The following CPE variants were observed in gnomAD, a reference collection of about 807,000 sequenced individuals.
CPE encodes carbocypeptidase E.
In CPE, 17 loss-of-function variants were observed where a neutral mutation model predicts 53.5. The observed-to-expected ratio is 0.32, with a 90% CI of 0.22 to 0.48. CPE has a LOEUF of 0.48. Ranked by LOEUF, CPE falls within the 20% of genes least tolerant of loss-of-function variation. CPE has a pLI of 0.99. For missense variants in CPE, 524 were observed against 614.7 expected (o/e 0.85, Z 1.56); for synonymous variants, 226 against 228.8 (o/e 0.99, Z 0.11).
At chr4:165,444,769 G>C (rs1731676562) in intron 1 of CPE, among the ~76,000 whole-genome samples, 1 of 152,194 alleles carries the variant, frequency 6.6e-6, no homozygotes, top group Non-Finnish European at 1.5e-5. Context: ...ATCTTGGGCT[G>C]TGGCAATCTT....
chr4:165,392,573 T>C (rs949750318), intron 1 of CPE, among the ~76,000 whole-genome samples: 1 of 146,340 alleles, frequency 6.8e-6, no homozygotes, highest in Non-Finnish European at 1.5e-5. Context: ...CTTATACTTA[T>C]ATATTATATT....
chr4:165,442,043 T>TG (rs1441127673), intron 1 of CPE, among the ~76,000 whole-genome samples: 14 of 99,062 alleles, frequency 1.4e-4, no homozygotes, highest in African/African-American at 6.6e-4. Context: ...TTTGTTTTTT[T>TG]TTTGTTTTTT....
chr4:165,461,188 G>GAAAAAAAAAAAGAAAGAAAGAAAAAGAA (rs1553976642), intron 1 of CPE, among the ~76,000 whole-genome samples: 2 of 81,208 alleles, frequency 2.5e-5, no homozygotes, highest in African/African-American at 1.1e-4. Context: ...AAAAAAAAAA[G>GAAAAAAAAAAAGAAAGAAAGAAAAAGAA]AAAGAAAGAA....
intron 1 of CPE, among the ~76,000 whole-genome samples, chr4:165,431,248 C>T (rs779706982): frequency 7.2e-5 from 11 of 152,354 alleles, no homozygotes; most frequent in South Asian, 2.1e-4. Flanking sequence ...ACTGTCCACA[C>T]GTACGTGATG....
At chr4:165,394,676 AC>A (rs570886091) in intron 1 of CPE, among the ~76,000 whole-genome samples, 77 of 147,334 alleles carry the variant, frequency 5.2e-4, no homozygotes, top group Admixed American at 3.1e-3. Flanking sequence ...GTAGTTCGAG[AC>A]CAGCTTGGGC....
At chr4:165,453,277 T>G (rs1216641914) in intron 1 of CPE, among the ~76,000 whole-genome samples, 1 of 151,758 alleles carries the variant, frequency 6.6e-6, no homozygotes. Flanking sequence ...TTTTCTTTCT[T>G]TCTCATTTTC....
chr4:165,408,382 C>T (rs1057472966), intron 1 of CPE, among the ~76,000 whole-genome samples: 1 of 151,622 alleles, frequency 6.6e-6, no homozygotes, highest in Non-Finnish European at 1.5e-5. Flanking sequence ...GATGGATATC[C>T]CATTGTCCCA....
At chr4:165,483,762 C>A (rs1732458947) in intron 4 of CPE, among the ~76,000 whole-genome samples, 3 of 152,088 alleles carry the variant, frequency 2.0e-5, no homozygotes, top group African/African-American at 7.2e-5. Context: ...GCTTGTATGT[C>A]TTCTTTTGAG....
chr4:165,474,178 C>T (rs546316691), intron 3 of CPE, among the ~76,000 whole-genome samples: 47 of 152,322 alleles, frequency 3.1e-4, no homozygotes, highest in African/African-American at 1.1e-3. Context: ...CTGCATTTTT[C>T]CTTCTCCTTA....
In CPE at chr4:165,497,094, G is replaced by A. The variant is rs186213213; in HGVS notation, c.1333-418G>A. ...GCGCCACCGTGCCCGGCTAATTTTT[G>A]TATTTTTAGCAGAGATGTGGTTTCA... On this transcript the variant is annotated intron_variant, in intron 8 of 8. Coordinates refer to ENST00000402744, the MANE Select transcript of CPE (RefSeq NM_001873.4). Among the ~76,000 whole-genome samples, 455 of 152,144 alleles carry A rather than the reference G, an allele frequency of 3.0e-3. 3 individuals carry two copies. Among genetic ancestry groups the A allele is most frequent in the African/African-American group, 0.01 (434 of 41,492 alleles).
intron 2 of CPE, 59 bp downstream of exon 2, chr4:165,464,645 T>C (rs754015351): frequency 1.7e-4 from 235 of 1,408,602 alleles, no homozygotes; most frequent in Non-Finnish European, 2.1e-4. Flanking sequence ...TGTTTGTACA[T>C]ACATGTTTAT....
rs1392967039 is a variant in CPE, at chr4:165,484,471, C to G, written c.840C>G (p.Ser280Arg). The G allele has an allele frequency of 6.2e-7, 1 of 1,614,100 alleles. No homozygotes were observed. The highest frequency in any genetic ancestry group is 8.5e-7 in the Non-Finnish European group (1 of 1,179,978). ...CCCCAGATGACGCCATTTTCCAAAG[C>G]TTGGCCCGGGCATACTCTTCTTTCA... Reference protein sequence around the residue: ...SSSPDDAIFQSLARAYSSFNP... With the variant: ...SSSPDDAIFQRLARAYSSFNP... Residue 280 changes from serine to arginine, a missense_variant, in exon 5 of 9, where the codon AGC becomes AGG. Transcript: ENST00000402744.
At chr4:165,383,846 T>A (rs1730542571) in intron 1 of CPE, among the ~76,000 whole-genome samples, 1 of 152,246 alleles carries the variant, frequency 6.6e-6, no homozygotes. Context: ...AGATGTTAGA[T>A]CCTAGAGAAG....
chr4:165,379,525 C>A lies in CPE; in HGVS notation c.304C>A (p.Pro102Thr). The A allele has an allele frequency of 6.3e-7, 1 of 1,574,872 alleles. No individual in the cohort carries two copies. Among genetic ancestry groups the A allele is most frequent in the Non-Finnish European group, 8.7e-7 (1 of 1,154,870 alleles). The change falls in exon 1 of 9, where the codon CCT becomes ACT. Residue 102 changes from proline to threonine, a missense_variant. Physicochemically the swap from Pro to Thr is conservative, Grantham distance 38. Transcript: ENST00000402744. The surrounding 1 kb of genome is among the most constrained non-coding windows in gnomAD (Gnocchi z 6.0). ...ELSDNPGVHE[P>T]GEPEFKYIGN... ...GTCCGACAACCCTGGCGTCCATGAG[C>A]CTGGTAAGGGCGCTGCCCCCTGACA...
rs900197165 is a variant in CPE, at chr4:165,404,138, T to C, written c.307+24610T>C. The stretch of plus-strand genomic sequence containing the variant: ...CTGGCTTGGGGTGAACTCTTTTCCA[T>C]AGGCAGCCTCATACTTCTTGAGCCG... On this transcript the variant is annotated intron_variant, in intron 1 of 8. Coordinates refer to ENST00000402744, the MANE Select transcript of CPE (RefSeq NM_001873.4). 5.1e-6 allele frequency: 4 copies of C among 780,106 alleles called. No homozygotes were observed. In the Admixed American group the frequency reaches 6.9e-5, roughly 13 times the overall value. 48.3% of individuals were successfully genotyped at this position (780,106 alleles called of 1,614,324 possible). A position where few individuals can be genotyped will look rare whatever the true frequency, so the allele number is the denominator to read the frequency against.
chr4:165,488,948 GA>G (rs1732555732), intron 6 of CPE, among the ~76,000 whole-genome samples: 1 of 152,168 alleles, frequency 6.6e-6, no homozygotes, highest in African/African-American at 2.4e-5. Context: ...GACTGTCGTG[GA>G]ATAGATCCAC....
At chr4:165,384,981 A>G (rs1730566647) in intron 1 of CPE, among the ~76,000 whole-genome samples, 1 of 152,204 alleles carries the variant, frequency 6.6e-6, no homozygotes, top group Admixed American at 6.5e-5. Context: ...TACAGAGCTG[A>G]AAAGGACACA....
intron 1 of CPE, chr4:165,418,262 C>T (rs563621570): frequency 6.6e-6 from 1 of 152,284 alleles, no homozygotes; most frequent in South Asian, 2.1e-4. Context: ...ATTGGAGCAG[C>T]TATCCAAAAA....
chr4:165,431,674 A>G (rs1326843517), intron 1 of CPE, among the ~76,000 whole-genome samples: 1 of 152,200 alleles, frequency 6.6e-6, no homozygotes, highest in Admixed American at 6.5e-5. Flanking sequence ...TTATATAATC[A>G]TGGTAATTGA....
Sources: gnomAD v4.1 joint callset for allele counts (sites outside exome capture counted in the v4.1 genomes callset) on GRCh38, gnomAD v4.1.1 for gene constraint, Gnocchi (gnomAD v3.1) non-coding constraint, MANE v1.5 for transcripts, NCBI Gene and HGNC (gene_info 2026-07-23, HGNC 2026-07-21) for gene names.